The following CLSTN1 variants were observed in gnomAD, a reference collection of about 807,000 sequenced individuals.
The protein encoded by CLSTN1 is calsyntenin 1, also known as calsyntenin-1.
Under a neutral mutation model 108.3 loss-of-function variants are expected in CLSTN1, and 28 were observed. The ratio of observed to expected loss-of-function variants is 0.26; its 90% CI spans 0.19 to 0.35. The LOEUF is 0.35. Among genes scored for constraint, CLSTN1 ranks in the 10% least tolerant of loss-of-function variants. CLSTN1 has a pLI of 1.00. For synonymous variants in CLSTN1, 524 were observed against 534.9 expected (o/e 0.98, Z 0.28); for missense variants, 1,157 against 1,302.6 (o/e 0.89, Z 1.72).
rs187268778 is a variant in CLSTN1 at position 9,790,487 on chromosome 1, C to T, written c.92-17093G>A. Among the ~76,000 whole-genome samples, 31 of 151,472 alleles carry T rather than the reference C, an allele frequency of 2.0e-4. 3 individuals are homozygous for T. In the East Asian group the frequency reaches 5.9e-3, roughly 29 times the overall value. On this transcript the variant is annotated intron_variant, in intron 1 of 18. Transcript: ENST00000377298. ...GTATGTGGACTAGATCCTATACGGT[C>T]ATGGTGTATCATTCTTCTTGCACAT... is the stretch of plus-strand genomic sequence containing the variant.
intron 1 of CLSTN1, among the ~76,000 whole-genome samples, chr1:9,782,865 G>A (rs750536791): frequency 2.6e-4 from 40 of 152,114 alleles, no homozygotes; most frequent in Non-Finnish European, 4.9e-4. Flanking sequence ...AAATTAGCCG[G>A]GCGTGGTGGC....
intron 8 of CLSTN1, 81 bp downstream of exon 8, chr1:9,744,314 G>A: frequency 1.3e-6 from 2 of 1,521,696 alleles, no homozygotes; most frequent in Middle Eastern, 1.8e-4. Context: ...GGGGACCCTG[G>A]GAAAGGAGAG....
intron 1 of CLSTN1, among the ~76,000 whole-genome samples, chr1:9,777,559 T>C (rs751350906): frequency 1.3e-4 from 20 of 152,312 alleles, no homozygotes; most frequent in Non-Finnish European, 2.4e-4. Flanking sequence ...ATAATTTTAA[T>C]ACTTATTAAC....
chr1:9,768,668 G>A (rs1366134217), intron 2 of CLSTN1, among the ~76,000 whole-genome samples: 8 of 107,770 alleles, frequency 7.4e-5, no homozygotes, highest in African/African-American at 1.9e-4. Flanking sequence ...TCATGGGGGC[G>A]GGGTTCTGTT....
At chr1:9,812,227 G>A (rs1490503614) in intron 1 of CLSTN1, among the ~76,000 whole-genome samples, 1 of 152,144 alleles carries the variant, frequency 6.6e-6, no homozygotes, top group Non-Finnish European at 1.5e-5. Context: ...GTGAGCCTCT[G>A]TCTACCATCG....
intron 5 of CLSTN1, among the ~76,000 whole-genome samples, chr1:9,750,504 C>T (rs569134350): frequency 5.9e-5 from 9 of 152,066 alleles, no homozygotes; most frequent in South Asian, 2.1e-4. Context: ...GGCCTGATCT[C>T]GGCTCACTGC....
intron 4 of CLSTN1, among the ~76,000 whole-genome samples, chr1:9,752,917 C>A (rs991442432): frequency 6.6e-6 from 1 of 151,984 alleles, no homozygotes. Flanking sequence ...ACAGACTCAA[C>A]AAAATTAAAT....
In CLSTN1 at chr1:9,766,255, A is replaced by G. The variant is rs77094336; in HGVS notation, c.214+7017T>C. Among the ~76,000 whole-genome samples, 1,394 of 152,290 alleles carry G rather than the reference A, an allele frequency of 9.2e-3. 15 individuals are homozygous for G. Among genetic ancestry groups the G allele is most frequent in the East Asian group, 0.043 (222 of 5,186 alleles). On this transcript the variant is annotated intron_variant, in intron 2 of 18. Transcript: ENST00000377298. ...GGAGGAGCTCTGAAGAGGAAACAAG[A>G]AGAGGAGGCACGGCTTCTGACAAGA...
chr1:9,823,076 A>G lies in CLSTN1; in HGVS notation c.91+567T>C, dbSNP rs1655249360. On this transcript the variant is annotated intron_variant, in intron 1 of 18. Transcript: ENST00000377298. The surrounding 1 kb of genome is among the most constrained non-coding windows in gnomAD (Gnocchi z 6.3). ...TGAAGGACTCTGGGAGGAGGCGGAA[A>G]GGGGCGAAGTCGTGGTGTCCGCGGT... 1.3e-5 allele frequency among the ~76,000 whole-genome samples: 2 copies of G among 152,226 alleles called. No homozygotes were observed. Among genetic ancestry groups the G allele is most frequent in the South Asian group, 2.1e-4 (1 of 4,828 alleles).
intron 9 of CLSTN1, among the ~76,000 whole-genome samples, chr1:9,742,711 C>G (rs1371337365): frequency 6.6e-6 from 1 of 152,162 alleles, no homozygotes; most frequent in Admixed American, 6.5e-5. Flanking sequence ...GAATGCTACC[C>G]AGCCTGACCA....
At chr1:9,797,327 G>C (rs1375876171) in intron 1 of CLSTN1, among the ~76,000 whole-genome samples, 1 of 152,038 alleles carries the variant, frequency 6.6e-6, no homozygotes, top group Non-Finnish European at 1.5e-5. Context: ...AGTGGGGGAG[G>C]GAGAGGGTAG....
In CLSTN1 at chr1:9,734,097, G is replaced by A. The variant is rs758395217; in HGVS notation, c.2156C>T (p.Thr719Ile). The change falls in exon 15 of 19, where the codon ACC (threonine) becomes ATC (isoleucine). Residue 719 changes from threonine (T) to isoleucine (I), a missense_variant. Coordinates refer to ENST00000377298, the MANE Select transcript of CLSTN1 (RefSeq NM_001009566.3). The surrounding 1 kb of genome is among the most constrained non-coding windows in gnomAD (Gnocchi z 4.8). ...VSEEIVHDLDTCEVTVEGEEL... is the reference protein window; with the variant it reads ...VSEEIVHDLDICEVTVEGEEL... ...CTCTCCCTCCACCGTGACCTCACAGGTATCCAGGTCGTGCACGATCTCCTC... is the reference window on the plus strand; with the variant it reads ...CTCTCCCTCCACCGTGACCTCACAGATATCCAGGTCGTGCACGATCTCCTC... 1 of 1,614,140 alleles carries A rather than the reference G, an allele frequency of 6.2e-7. No homozygotes were observed. The highest frequency in any genetic ancestry group is 1.7e-5 in the Admixed American group (1 of 60,028).
chr1:9,813,001 T>C (rs1654825910), intron 1 of CLSTN1, among the ~76,000 whole-genome samples: 2 of 151,494 alleles, frequency 1.3e-5, no homozygotes, highest in Non-Finnish European at 2.9e-5. Context: ...CCATCTCTAC[T>C]AAAAATACAA....
At chr1:9,798,606 G>C (rs1570507507) in intron 1 of CLSTN1, among the ~76,000 whole-genome samples, 2 of 152,152 alleles carry the variant, frequency 1.3e-5, no homozygotes, top group African/African-American at 4.8e-5. Context: ...AGTAGCAAAT[G>C]CCTGTTTAAT....
At chr1:9,822,056 T>C (rs906121511) in intron 1 of CLSTN1, among the ~76,000 whole-genome samples, 3 of 152,154 alleles carry the variant, frequency 2.0e-5, no homozygotes, top group Non-Finnish European at 2.9e-5. Context: ...TAACAAGAAA[T>C]GGTATCACTG....
intron 2 of CLSTN1, among the ~76,000 whole-genome samples, chr1:9,759,810 A>G (rs1651982916): frequency 6.6e-6 from 1 of 152,242 alleles, no homozygotes; most frequent in Non-Finnish European, 1.5e-5. Context: ...ACTGCCTGGT[A>G]TCAGATGTGT....
At chr1:9,774,042 C>T (rs1343910110) in intron 1 of CLSTN1, among the ~76,000 whole-genome samples, 2 of 151,972 alleles carry the variant, frequency 1.3e-5, no homozygotes, top group Non-Finnish European at 2.9e-5. Context: ...GCACCTGGCC[C>T]CAGTATTATT....
chr1:9,732,872 G>C (rs529900164), intron 16 of CLSTN1, among the ~76,000 whole-genome samples: 1 of 152,340 alleles, frequency 6.6e-6, no homozygotes, highest in East Asian at 1.9e-4. Context: ...AGAACTTTTG[G>C]TTCCCTGGAT....
intron 2 of CLSTN1, among the ~76,000 whole-genome samples, chr1:9,761,567 G>A (rs1220632289): frequency 6.6e-6 from 1 of 152,102 alleles, no homozygotes; most frequent in Admixed American, 6.6e-5. Context: ...AAAAATGGAT[G>A]AACCCAACAA....
Sources: gnomAD v4.1 joint callset for allele counts (sites outside exome capture counted in the v4.1 genomes callset) on GRCh38, gnomAD v4.1.1 for gene constraint, Gnocchi (gnomAD v3.1) non-coding constraint, MANE v1.5 for transcripts, NCBI Gene and HGNC (gene_info 2026-07-23, HGNC 2026-07-21) for gene names.